Variants in NEDD9 observed in about 807,000 individuals in gnomAD.
NEDD9 encodes neural precursor cell expressed, developmentally down-regulated 9.
Under a neutral mutation model 76.6 loss-of-function variants are expected in NEDD9, and 26 were observed. The ratio of observed to expected loss-of-function variants is 0.34; its 90% CI spans 0.25 to 0.47. NEDD9 has a LOEUF of 0.47. NEDD9 is among the 20% of genes least tolerant of loss of function. The pLI is 1.00. For missense variants in NEDD9, 937 were observed against 1,058.5 expected (o/e 0.89, Z 1.59); for synonymous variants, 392 against 414.2 (o/e 0.95, Z 0.65).
chr6:11,239,182 A>T (rs1412828428), intron 3 of NEDD9, among the ~76,000 whole-genome samples: 3 of 146,064 alleles, frequency 2.1e-5, no homozygotes, highest in African/African-American at 7.3e-5. Flanking sequence ...AAATAAAAAT[A>T]AAAAAAATCT....
intron 3 of NEDD9, among the ~76,000 whole-genome samples, chr6:11,284,391 TAAAA>T (rs1168452567): frequency 0.038 from 2,652 of 70,132 alleles, 94 homozygotes; most frequent in African/African-American, 0.12. Context: ...CCGTCTCTAC[TAAAA>T]AAAAAAAAAA....
intron 1 of NEDD9, among the ~76,000 whole-genome samples, chr6:11,343,424 GTCTCAAAAAAAAAAAAAAGTACCT>G (rs1183404604): frequency 6.7e-6 from 1 of 150,130 alleles, no homozygotes; most frequent in Non-Finnish European, 1.5e-5. Context: ...AGGTGGCTCT[GTCTCAAAAAAAAAAAAAAGTACCT>G]TCTCAATGAG....
intron 3 of NEDD9, among the ~76,000 whole-genome samples, chr6:11,302,393 A>C (rs1761071990): frequency 6.6e-6 from 1 of 152,196 alleles, no homozygotes; most frequent in South Asian, 2.1e-4. Context: ...CAACCAAAAA[A>C]AGTCCAGGAC....
intron 3 of NEDD9, among the ~76,000 whole-genome samples, chr6:11,284,055 G>A (rs977900741): frequency 9.2e-5 from 14 of 152,136 alleles, no homozygotes; most frequent in African/African-American, 3.1e-4. Context: ...GGAGCAATGA[G>A]GAAATATAAT....
chr6:11,227,425 C>G (rs771298749), intron 1 of NEDD9, among the ~76,000 whole-genome samples: 1 of 152,138 alleles, frequency 6.6e-6, no homozygotes, highest in Non-Finnish European at 1.5e-5. Flanking sequence ...GGCAGTTATT[C>G]TTATCCCTAT....
At chr6:11,237,052 T>C (rs1043193017), upstream of NEDD9, among the ~76,000 whole-genome samples, 20 of 152,176 alleles carry the variant, frequency 1.3e-4, no homozygotes, top group African/African-American at 4.6e-4. This position sits in a 1 kb window ranked among gnomAD's most constrained non-coding sequence, Gnocchi z 4.9. Context: ...ACTCTTCTGC[T>C]GTCAAGTTTG....
intron 3 of NEDD9, among the ~76,000 whole-genome samples, chr6:11,283,420 C>CATGA (rs1256511373): frequency 2.0e-5 from 3 of 152,248 alleles, no homozygotes; most frequent in African/African-American, 7.2e-5. Flanking sequence ...TTGCTGAATG[C>CATGA]ATGAATGAAT....
At chr6:11,325,369 A>G (rs1034763245) in intron 2 of NEDD9, among the ~76,000 whole-genome samples, 13 of 151,990 alleles carry the variant, frequency 8.6e-5, no homozygotes, top group Non-Finnish European at 1.5e-5. Context: ...AAAAAAAAAA[A>G]GAATGTGCAT....
intron 1 of NEDD9, among the ~76,000 whole-genome samples, chr6:11,374,050 C>T (rs908214483): frequency 6.6e-6 from 1 of 150,744 alleles, no homozygotes; most frequent in African/African-American, 2.5e-5. Flanking sequence ...ATAAATCTCT[C>T]TCTCTCTCTC....
chr6:11,352,354 CA>C (rs1259170035), intron 1 of NEDD9: 1 of 152,176 alleles, frequency 6.6e-6, no homozygotes, highest in Non-Finnish European at 1.5e-5. Context: ...CCAACTCAGA[CA>C]TTTGCTCTTT....
At chr6:11,379,869 CT>C (rs1232157573) in intron 1 of NEDD9, among the ~76,000 whole-genome samples, 1 of 152,238 alleles carries the variant, frequency 6.6e-6, no homozygotes, top group African/African-American at 2.4e-5. Context: ...ATTTCATGCT[CT>C]ATCTATGTAT....
intron 1 of NEDD9, among the ~76,000 whole-genome samples, chr6:11,365,616 TA>T (rs1762748482): frequency 6.6e-6 from 1 of 151,920 alleles, no homozygotes; most frequent in Non-Finnish European, 1.5e-5. Context: ...TTTGATGAGG[TA>T]AAACTGGAAG....
intron 2 of NEDD9, among the ~76,000 whole-genome samples, chr6:11,314,728 C>T (rs1582020663): frequency 6.6e-6 from 1 of 152,148 alleles, no homozygotes; most frequent in East Asian, 1.9e-4. Flanking sequence ...CAGCTGGCAG[C>T]ACATGATGGT....
At chr6:11,280,499 G>A (rs1052887750) in intron 3 of NEDD9, among the ~76,000 whole-genome samples, 1 of 152,228 alleles carries the variant, frequency 6.6e-6, no homozygotes, top group South Asian at 2.1e-4. Flanking sequence ...AGGACTGGGT[G>A]TCTTCCATTT....
intron 1 of NEDD9, among the ~76,000 whole-genome samples, chr6:11,217,998 G>A (rs1759006786): frequency 1.3e-5 from 2 of 152,198 alleles, no homozygotes; most frequent in Middle Eastern, 6.3e-3. Flanking sequence ...CATCCCTAAA[G>A]TGATCATGTT....
intron 1 of NEDD9, among the ~76,000 whole-genome samples, chr6:11,216,420 AG>A (rs1561792596): frequency 1.3e-5 from 2 of 152,040 alleles, no homozygotes; most frequent in African/African-American, 4.8e-5. Context: ...CTTGTGTCAC[AG>A]ATGAGGAAAT....
At chr6:11,263,564 C>T (rs961538788) in intron 3 of NEDD9, among the ~76,000 whole-genome samples, 2 of 152,194 alleles carry the variant, frequency 1.3e-5, no homozygotes, top group Admixed American at 1.3e-4. Context: ...CAGAGAGAAA[C>T]GTCTTGGGCT....
chr6:11,342,003 C>T (rs1348576152), intron 1 of NEDD9, among the ~76,000 whole-genome samples: 1 of 151,892 alleles, frequency 6.6e-6, no homozygotes, highest in Non-Finnish European at 1.5e-5. Context: ...AATGGGAACC[C>T]TAAAAAGAAA....
intron 3 of NEDD9, among the ~76,000 whole-genome samples, chr6:11,285,534 C>A (rs7766103): frequency 0.4 from 60,467 of 151,842 alleles, 13,933 homozygotes; most frequent in African/African-American, 0.66. Context: ...TAGAACAGCA[C>A]AAACAAAAAG....
Sources: gnomAD v4.1 joint callset for allele counts (sites outside exome capture counted in the v4.1 genomes callset) on GRCh38, gnomAD v4.1.1 for gene constraint, Gnocchi (gnomAD v3.1) non-coding constraint, MANE v1.5 for transcripts, NCBI Gene and HGNC (gene_info 2026-07-23, HGNC 2026-07-21) for gene names.